The following ZER1 variants were observed in gnomAD, a reference collection of about 807,000 sequenced individuals.
The protein encoded by ZER1 is protein zer-1 homolog.
ZER1 carries 11 observed loss-of-function variants against 78.8 expected under a neutral mutation model. The observed-to-expected ratio is 0.14, with a 90% confidence interval of 0.09 to 0.23. The LOEUF (loss-of-function observed/expected upper bound fraction) is 0.23, where lower values mean the gene tolerates loss of function less well. Among genes scored for constraint, ZER1 ranks in the 10% least tolerant of loss-of-function variants. ZER1 has a pLI of 1.00. For synonymous variants in ZER1, 400 were observed against 407.0 expected, an observed-to-expected ratio of 0.98 and a Z score of 0.21; for missense variants, 588 against 996.9, an observed-to-expected ratio of 0.59 and a Z score of 5.52.
chr9:128,747,001 C>T (rs1333636487), intron 8 of ZER1, among the ~76,000 whole-genome samples: 1 of 151,918 alleles, frequency 6.6e-6, no homozygotes, highest in Non-Finnish European at 1.5e-5. Flanking sequence ...GAGTTCCAGA[C>T]CAGCCTGGCC....
At position 128,753,343 on chromosome 9, in the gene ZER1, G is replaced by A; in HGVS notation, c.567C>T (p.Val189=). ...FLNLGRMIDW[V]PVESLLRPLN... is the part of the protein sequence containing the mutation. ...GCGGCCGCAGCAGGGACTCCACAGG[G>A]ACCCAATCAATCATGCGGCCCAAGT... The change falls in exon 4 of 16, where the codon GTC becomes GTT. Residue 189 remains valine, a synonymous_variant. Coordinates refer to ENST00000291900, the MANE Select transcript of ZER1 (RefSeq NM_006336.4). This position sits in a 1 kb window ranked among gnomAD's most constrained non-coding sequence, Gnocchi z 7.5. The A allele has an allele frequency of 6.2e-7, 1 of 1,613,782 alleles. No individual in the cohort carries two copies.
At chr9:128,739,277 C>T (rs560554390) in intron 13 of ZER1, among the ~76,000 whole-genome samples, 9 of 151,588 alleles carry the variant, frequency 5.9e-5, no homozygotes, top group Non-Finnish European at 8.8e-5. Flanking sequence ...CCGACGTGGG[C>T]GGATCACGAG....
chr9:128,758,514 G>C (rs1863935233), intron 1 of ZER1, among the ~76,000 whole-genome samples: 1 of 151,976 alleles, frequency 6.6e-6, no homozygotes, highest in Non-Finnish European at 1.5e-5. Flanking sequence ...TATTTCCCAG[G>C]CTCAAGCGAT....
chr9:128,770,994 A>AC (rs1413314597), intron 1 of ZER1, among the ~76,000 whole-genome samples: 2 of 152,154 alleles, frequency 1.3e-5, no homozygotes, highest in South Asian at 2.1e-4. Context: ...ACATAGTGAG[A>AC]CCCCATCTCT....
intron 13 of ZER1, among the ~76,000 whole-genome samples, chr9:128,738,564 T>C (rs1333411388): frequency 6.9e-6 from 1 of 145,656 alleles, no homozygotes; most frequent in Non-Finnish European, 1.5e-5. Context: ...TTTTTGTATT[T>C]TTAGTAGAGG....
chr9:128,748,119 C>T (rs1333615627), intron 8 of ZER1, among the ~76,000 whole-genome samples: 2 of 151,752 alleles, frequency 1.3e-5, no homozygotes, highest in Admixed American at 6.6e-5. Context: ...AATTAGCTGA[C>T]TGTGGGCCGG....
In ZER1 at chr9:128,753,917, G is replaced by T. The variant is rs75387317; in HGVS notation, c.201C>A (p.His67Gln). Residue 67 changes from histidine (H) to glutamine (Q), a missense_variant, in exon 3 of 16, where the codon CAC becomes CAA. By Grantham distance (24) the His-to-Gln change is conservative. Around this residue, in one of 3 missense-constraint regions of ZER1, gnomAD observed 406 missense variants for 660.1 expected, o/e 0.62. Transcript: ENST00000291900. This position sits in a 1 kb window ranked among gnomAD's most constrained non-coding sequence, Gnocchi z 7.5. Reference protein sequence around the residue: ...LVNAACNFEPHESFFSLFSDP... With the variant: ...LVNAACNFEPQESFFSLFSDP... ...CCGAAAAGAGGCTGAAGAAGCTCTC[G>T]TGTGGCTCGAAGTTACAGGCAGCGT... is the stretch of plus-strand genomic sequence containing the variant. The T allele has an allele frequency of 1.3e-6, 2 of 1,594,904 alleles. No homozygotes were observed. Among genetic ancestry groups the T allele is most frequent in the Admixed American group, 1.8e-5 (1 of 56,782 alleles).
chr9:128,735,401 G>C lies in ZER1; in HGVS notation c.2073C>G (p.Pro691=). 6.2e-7 allele frequency: 1 copy of C among 1,614,120 alleles called. No individual in the cohort carries two copies. ...GCTGGCTGACAGGAGAGATTCCCTG[G>C]GGAAGGAGGCGGAGAATTGGTTCAA... ...RSFEPILRLL[P]QGISPVSQHW... is the part of the protein sequence containing the mutation. Residue 691 remains proline, a synonymous_variant, in exon 14 of 16, where the codon CCC becomes CCG. Coordinates refer to ENST00000291900, the MANE Select transcript of ZER1 (RefSeq NM_006336.4).
chr9:128,731,324 G>T lies in ZER1; in HGVS notation c.*13C>A. 1 of 1,611,354 alleles carries T rather than the reference G, an allele frequency of 6.2e-7. No individual in the cohort carries two copies. The highest frequency in any genetic ancestry group is 8.5e-7 in the Non-Finnish European group (1 of 1,178,832). On this transcript the variant is annotated 3_prime_UTR_variant, in exon 16 of 16. Transcript: ENST00000291900. ...GTGGTCCAGAGCGGTGGCGGCCATG[G>T]GGACGGAGGCCTCTATCTAGACGTG...
chr9:128,744,977 G>C (rs182393195), intron 8 of ZER1, among the ~76,000 whole-genome samples: 32 of 152,184 alleles, frequency 2.1e-4, no homozygotes, highest in African/African-American at 3.1e-4. Context: ...CCTGCATCCT[G>C]GTGACCATAA....
intron 9 of ZER1, among the ~76,000 whole-genome samples, chr9:128,742,112 G>A (rs988115144): frequency 6.6e-6 from 1 of 152,180 alleles, no homozygotes; most frequent in African/African-American, 2.4e-5. Flanking sequence ...CTTGAGCTTC[G>A]CTGCCATCAA....
chr9:128,742,516 C>G lies in ZER1; in HGVS notation c.1575+14G>C. ...GAGGCTCAGGAGGAAGGGGGCAGCG[C>G]CCCCCACACGTACCACGACAAAGCC... On this transcript the variant is annotated intron_variant, in intron 9 of 15. Transcript: ENST00000291900. 6.2e-7 allele frequency: 1 copy of G among 1,613,090 alleles called. No homozygotes were observed. The highest frequency in any genetic ancestry group is 8.5e-7 in the Non-Finnish European group (1 of 1,179,890).
chr9:128,745,221 G>A (rs1267302162), intron 8 of ZER1, among the ~76,000 whole-genome samples: 2 of 130,744 alleles, frequency 1.5e-5, no homozygotes, highest in Non-Finnish European at 3.1e-5. Context: ...TTTTTTTTGA[G>A]ACAGTGTCTG....
rs897407333 is a variant in ZER1 at position 128,769,400 on chromosome 9, T to C, written c.-95+2181A>G. On this transcript the variant is annotated intron_variant, in intron 1 of 15. Coordinates refer to ENST00000291900, the MANE Select transcript of ZER1 (RefSeq NM_006336.4). Reference sequence around the variant, plus strand: ...CTAATCCAACAGCCCTATTTTCTTTTCTTTTCTTTCTTTCTTTTTTTTTTT... The same window carrying C: ...CTAATCCAACAGCCCTATTTTCTTTCCTTTTCTTTCTTTCTTTTTTTTTTT... 4.6e-5 allele frequency among the ~76,000 whole-genome samples: 7 copies of C among 152,092 alleles called. 1 individual carries two copies. The highest frequency in any genetic ancestry group is 3.9e-4 in the Admixed American group (6 of 15,248).
chr9:128,767,689 G>T (rs1250071270), intron 1 of ZER1, among the ~76,000 whole-genome samples: 3 of 152,150 alleles, frequency 2.0e-5, no homozygotes, highest in Non-Finnish European at 2.9e-5. Context: ...TTATGCTATG[G>T]GGAGGGACCA....
At chr9:128,760,427 C>T (rs547276289) in intron 1 of ZER1, among the ~76,000 whole-genome samples, 1 of 152,096 alleles carries the variant, frequency 6.6e-6, no homozygotes, top group Non-Finnish European at 1.5e-5. Context: ...TGGTCTCAAT[C>T]TCCTGACCTT....
intron 1 of ZER1, among the ~76,000 whole-genome samples, chr9:128,756,056 G>A (rs1411734750): frequency 6.6e-6 from 1 of 152,158 alleles, no homozygotes; most frequent in African/African-American, 2.4e-5. Context: ...CTGTGCCAGG[G>A]CTTAATAGAC....
At chr9:128,752,926 G>T in intron 4 of ZER1, 77 bp from the exon 5 acceptor site, 1 of 1,517,104 alleles carries the variant, frequency 6.6e-7, no homozygotes, top group Non-Finnish European at 8.9e-7. Context: ...AGCTCCTTTA[G>T]TCTGTAGCAG....
chr9:128,750,498 T>G, intron 8 of ZER1, 118 bp downstream of exon 8: 1 of 1,208,952 alleles, frequency 8.3e-7, no homozygotes, highest in Non-Finnish European at 1.2e-6. Flanking sequence ...AGTGCTGCTG[T>G]GGGAAAGGGA....
Sources: allele counts gnomAD v4.1 joint callset (sites outside exome capture counted in the v4.1 genomes callset), GRCh38; gene constraint gnomAD v4.1.1; regional missense constraint gnomAD v4.1.1; non-coding constraint Gnocchi (gnomAD v3.1); transcripts MANE v1.5; gene names NCBI Gene and HGNC (gene_info 2026-07-23, HGNC 2026-07-21).